Variants in ADGRG2 observed in about 807,000 individuals in gnomAD.
ADGRG2 encodes G protein-coupled receptor 64.
ADGRG2 carries 26 observed loss-of-function variants against 74.1 expected under a neutral mutation model. That is an observed-to-expected ratio of 0.35 (90% CI 0.26 to 0.49). ADGRG2 has a LOEUF of 0.49. Ranked by LOEUF, ADGRG2 falls within the 20% of genes least tolerant of loss-of-function variation. ADGRG2 has a pLI of 0.99. For missense variants in ADGRG2, 619 were observed against 763.1 expected (o/e 0.81, Z 2.22); for synonymous variants, 296 against 295.2 (o/e 1.00, Z -0.03).
At chrX:18,996,008 C>T in intron 27 of ADGRG2, 43 bp downstream of exon 27, 1 of 666,919 alleles carries the variant, frequency 1.5e-6, no homozygotes, top group Non-Finnish European at 2.5e-6. Context: ...CAATCTTTTC[C>T]TTGAGATTTA....
intron 2 of ADGRG2, among the ~76,000 whole-genome samples, chrX:19,081,225 A>T (rs907637252): frequency 9.0e-6 from 1 of 111,366 alleles, no homozygotes; most frequent in African/African-American, 3.3e-5. Flanking sequence ...CTTGATCTCC[A>T]CCTCACCCCC....
intron 7 of ADGRG2, chrX:19,033,954 T>C: frequency 5.8e-6 from 1 of 173,374 alleles, no homozygotes; most frequent in Non-Finnish European, 1.1e-5. Flanking sequence ...GCTAGACAAA[T>C]GATGTGGACT....
chrX:19,112,935 C>A (rs1298186794), intron 1 of ADGRG2, among the ~76,000 whole-genome samples: 4 of 95,608 alleles, frequency 4.2e-5, no homozygotes, highest in Non-Finnish European at 6.1e-5. Flanking sequence ...TCCAGCCTGG[C>A]GACAGGGTGA....
At chrX:19,083,169 A>AT (rs1176521833) in intron 1 of ADGRG2, among the ~76,000 whole-genome samples, 1 of 84,828 alleles carries the variant, frequency 1.2e-5, no homozygotes. Flanking sequence ...ACACCCGGCT[A>AT]ATTTTTTTTT....
intron 1 of ADGRG2, among the ~76,000 whole-genome samples, chrX:19,103,556 A>C (rs1244137372): frequency 8.9e-6 from 1 of 111,946 alleles, no homozygotes; most frequent in African/African-American, 3.2e-5. Flanking sequence ...GAGGTCCAAG[A>C]ACCCTCTTTT....
chrX:19,097,886 C>T (rs1480653527), intron 1 of ADGRG2, among the ~76,000 whole-genome samples: 1 of 112,793 alleles, frequency 8.9e-6, no homozygotes, highest in African/African-American at 3.2e-5. Flanking sequence ...GCCAGTGCGG[C>T]ATTCAAACAA....
At chrX:19,013,113 G>A (rs2060393484) in intron 16 of ADGRG2, among the ~76,000 whole-genome samples, 1 of 111,200 alleles carries the variant, frequency 9.0e-6, no homozygotes, top group Non-Finnish European at 1.9e-5. Context: ...TCTTCACAGT[G>A]TTTCTCCCCT....
In ADGRG2 at chrX:19,061,844, A is replaced by G. The variant is rs2061494061; in HGVS notation, c.118+6873T>C. On this transcript the variant is annotated intron_variant, in intron 3 of 28. Transcript: ENST00000379869. ...TGCTAGGGCCTTTCTGGCAGCAGGG[A>G]GAAGGGGCCTGGATCTGTGAGCTCA... 3.6e-5 allele frequency among the ~76,000 whole-genome samples: 4 copies of G among 111,556 alleles called. No homozygotes were observed. In the South Asian group the frequency reaches 1.5e-3, roughly 42 times the overall value.
intron 1 of ADGRG2, among the ~76,000 whole-genome samples, chrX:19,087,595 A>G (rs60707469): frequency 0.36 from 40,016 of 111,390 alleles, 6,339 homozygotes; most frequent in African/African-American, 0.62. Context: ...TAAAGTGGAA[A>G]GACAGTGTCC....
At chrX:19,027,742 G>A (rs768308605) in intron 10 of ADGRG2, among the ~76,000 whole-genome samples, 29 of 112,321 alleles carry the variant, frequency 2.6e-4, no homozygotes, top group Middle Eastern at 4.6e-3. Context: ...AATAGTCATC[G>A]AATGAATGAA....
intron 1 of ADGRG2, among the ~76,000 whole-genome samples, chrX:19,088,106 G>C (rs768120963): frequency 8.9e-6 from 1 of 112,031 alleles, no homozygotes; most frequent in East Asian, 2.8e-4. Context: ...TCCAAAACAG[G>C]ACATAACCTT....
chrX:19,103,311 C>CACAAAA (rs1280399086), intron 1 of ADGRG2, among the ~76,000 whole-genome samples: 2 of 111,844 alleles, frequency 1.8e-5, no homozygotes, highest in East Asian at 5.6e-4. Context: ...TTACCCTTTA[C>CACAAAA]AGTGTAAAAA....
chrX:19,116,814 T>C (rs767730631), intron 1 of ADGRG2, among the ~76,000 whole-genome samples: 54 of 111,980 alleles, frequency 4.8e-4, no homozygotes, highest in Non-Finnish European at 5.8e-4. Flanking sequence ...TTTTTCAAAC[T>C]GTGGGTCAAA....
At chrX:19,022,270 A>C (rs2146640640) in intron 13 of ADGRG2, among the ~76,000 whole-genome samples, 1 of 110,611 alleles carries the variant, frequency 9.0e-6, no homozygotes, top group African/African-American at 3.3e-5. Flanking sequence ...ATCTCAAAAA[A>C]AAAAAAAAAT....
rs1470457614 is a variant in ADGRG2 at position 18,989,550 on chromosome X, A to G, written c.*1314T>C. ...AATGTTCCTAATAAGGATGTACTTGAGGCACTGCTCAAGCAGATGTAGGTA... is the reference window on the plus strand; with the variant it reads ...AATGTTCCTAATAAGGATGTACTTGGGGCACTGCTCAAGCAGATGTAGGTA... On this transcript the variant is annotated 3_prime_UTR_variant, in exon 29 of 29. Transcript: ENST00000379869. 9.0e-6 allele frequency: 1 copy of G among 111,527 alleles called. No individual in the cohort carries two copies. Among genetic ancestry groups the G allele is most frequent in the East Asian group, 2.8e-4 (1 of 3,543 alleles). The allele number at this position is 111,527 out of a possible 1,213,427, so 9.2% of individuals were successfully genotyped here.
At chrX:19,090,046 C>T (rs777636116) in intron 1 of ADGRG2, among the ~76,000 whole-genome samples, 2 of 111,715 alleles carry the variant, frequency 1.8e-5, no homozygotes, top group Non-Finnish European at 3.8e-5. Context: ...GTAAGTACTA[C>T]AAGTACCAAT....
chrX:19,064,763 G>A (rs929970064), intron 3 of ADGRG2, among the ~76,000 whole-genome samples: 2 of 112,411 alleles, frequency 1.8e-5, no homozygotes, highest in Non-Finnish European at 3.8e-5. Context: ...TTTGGAGCCA[G>A]ATGGCCTGAA....
chrX:19,054,393 T>C (rs967462712), intron 3 of ADGRG2, among the ~76,000 whole-genome samples: 2 of 112,000 alleles, frequency 1.8e-5, no homozygotes, highest in Non-Finnish European at 3.8e-5. Flanking sequence ...ATGCATGGTC[T>C]CCCTAGGGGT....
intron 3 of ADGRG2, among the ~76,000 whole-genome samples, chrX:19,049,618 T>C (rs992077773): frequency 9.2e-6 from 1 of 108,678 alleles, no homozygotes; most frequent in African/African-American, 3.4e-5. Context: ...CACTATGAGA[T>C]TTTTTTGTGA....
Sources: allele counts gnomAD v4.1 joint callset (sites outside exome capture counted in the v4.1 genomes callset), GRCh38; gene constraint gnomAD v4.1.1; transcripts MANE v1.5; gene names NCBI Gene and HGNC (gene_info 2026-07-23, HGNC 2026-07-21).